SCEL: variants seen among roughly 807,000 people sequenced by gnomAD.
SCEL encodes the protein sciellin.
A neutral mutation model predicts 117.6 loss-of-function variants in SCEL; 113 were observed. The ratio of observed to expected loss-of-function variants is 0.96; its 90% CI spans 0.83 to 1.12. The LOEUF is 1.12. SCEL is among the 50% of genes most tolerant of loss of function. The pLI is 0.00. For missense variants in SCEL, 785 were observed against 810.8 expected, an observed-to-expected ratio of 0.97 and a Z score of 0.39; for synonymous variants, 270 against 256.2, an observed-to-expected ratio of 1.05 and a Z score of -0.51.
intron 23 of SCEL, 95 bp from the exon 24 acceptor site, chr13:77,613,798 T>C: frequency 1.1e-6 from 1 of 949,364 alleles, no homozygotes; most frequent in South Asian, 1.4e-5. Flanking sequence ...ACTTATGAGT[T>C]CTTACACTAG....
intron 3 of SCEL, among the ~76,000 whole-genome samples, chr13:77,559,370 G>T (rs1265784697): frequency 2.0e-5 from 3 of 152,230 alleles, no homozygotes; most frequent in African/African-American, 7.2e-5. Flanking sequence ...GAACTGTCAA[G>T]TCCACCAACA....
intron 1 of SCEL, among the ~76,000 whole-genome samples, chr13:77,554,551 A>G (rs1449722614): frequency 6.6e-6 from 1 of 152,238 alleles, no homozygotes; most frequent in Non-Finnish European, 1.5e-5. Flanking sequence ...ATTAGAGGAT[A>G]GGAGGTGGGG....
chr13:77,578,606 A>T (rs1003569671), intron 9 of SCEL, among the ~76,000 whole-genome samples: 1 of 152,208 alleles, frequency 6.6e-6, no homozygotes, highest in Non-Finnish European at 1.5e-5. Flanking sequence ...CTCAGAGATC[A>T]GGTCCCCAAA....
At chr13:77,591,500 T>C (rs2086867309) in intron 11 of SCEL, 40 bp downstream of exon 11, 3 of 1,125,388 alleles carry the variant, frequency 2.7e-6, no homozygotes, top group South Asian at 1.3e-5. Flanking sequence ...ACTGTAGTAA[T>C]GATAAAGTAT....
At chr13:77,621,081 T>C (rs577138471) in intron 27 of SCEL, among the ~76,000 whole-genome samples, 1 of 152,316 alleles carries the variant, frequency 6.6e-6, no homozygotes, top group South Asian at 2.1e-4. Flanking sequence ...CCACTGGTAC[T>C]GTAGTCCAGA....
intron 12 of SCEL, 33 bp downstream of exon 12, chr13:77,593,606 A>G (rs879047875): frequency 6.4e-7 from 1 of 1,563,718 alleles, no homozygotes; most frequent in South Asian, 1.1e-5. Flanking sequence ...CTTGGGTTTT[A>G]TCTTCCCTGG....
At chr13:77,543,468 T>C (rs1303898967) in intron 1 of SCEL, among the ~76,000 whole-genome samples, 5 of 152,324 alleles carry the variant, frequency 3.3e-5, no homozygotes, top group Non-Finnish European at 7.3e-5. Context: ...AGATAGTAAT[T>C]TATAAAAATA....
In SCEL at chr13:77,581,773, A is replaced by G. The variant is rs577562158; in HGVS notation, c.546-7371A>G. 1.9e-4 allele frequency among the ~76,000 whole-genome samples: 29 copies of G among 152,306 alleles called. No homozygotes were observed. In the East Asian group the frequency reaches 4.6e-3, roughly 24 times the overall value. ...ACTAGAGATTGTAAATTTCACCTCA[A>G]TTAGAAGCATGGCAGGTTAAAGGGA... On this transcript the variant is annotated intron_variant, in intron 9 of 32. Transcript: ENST00000349847.
chr13:77,569,341 G>A lies in SCEL; in HGVS notation c.399-30G>A, dbSNP rs752813600. ...GCTGAAATGAAAAAGTTTGAGAGTG[G>A]GATTAATTGTTGTTCTTGTCATTAA... On this transcript the variant is annotated intron_variant, in intron 7 of 32. Transcript: ENST00000349847. The A allele has an allele frequency of 2.6e-6, 4 of 1,567,148 alleles. No homozygotes were observed. In the South Asian group the frequency reaches 4.4e-5, roughly 17 times the overall value.
At chr13:77,580,308 G>GT (rs1251422236) in intron 9 of SCEL, among the ~76,000 whole-genome samples, 1 of 152,170 alleles carries the variant, frequency 6.6e-6, no homozygotes, top group African/African-American at 2.4e-5. Context: ...TGCAAAGCGT[G>GT]TCAGCAGTCA....
intron 28 of SCEL, among the ~76,000 whole-genome samples, chr13:77,630,062 G>A (rs897577463): frequency 3.3e-5 from 5 of 152,150 alleles, no homozygotes; most frequent in Admixed American, 3.3e-4. Context: ...GGGGAAAACA[G>A]GTTTTGGTTT....
intron 31 of SCEL, among the ~76,000 whole-genome samples, chr13:77,641,516 T>C (rs1210910874): frequency 6.6e-6 from 1 of 152,220 alleles, no homozygotes; most frequent in African/African-American, 2.4e-5. Flanking sequence ...AGGTGTTGAC[T>C]AGACCAGTGG....
At chr13:77,616,049 T>C (rs1413024882) in intron 24 of SCEL, among the ~76,000 whole-genome samples, 1 of 150,736 alleles carries the variant, frequency 6.6e-6, no homozygotes. Context: ...TGTGTGTGGC[T>C]GTCTGTAAAA....
At chr13:77,608,262 T>C in intron 20 of SCEL, 147 bp downstream of exon 20, 1 of 592,500 alleles carries the variant, frequency 1.7e-6, no homozygotes, top group Non-Finnish European at 3.0e-6. Context: ...AACAAGTCCC[T>C]TGAATGCTGA....
intron 9 of SCEL, among the ~76,000 whole-genome samples, chr13:77,582,419 G>A (rs2086313956): frequency 6.6e-6 from 1 of 152,018 alleles, no homozygotes; most frequent in African/African-American, 2.4e-5. Context: ...GTAGAGACGG[G>A]GTTTCACCAT....
intron 27 of SCEL, among the ~76,000 whole-genome samples, chr13:77,619,725 A>G (rs1283092028): frequency 2.0e-5 from 3 of 152,174 alleles, no homozygotes; most frequent in African/African-American, 4.8e-5. Context: ...TTATAGTGGC[A>G]TTTGTTGGGT....
chr13:77,567,032 T>A (rs755012413), intron 5 of SCEL, among the ~76,000 whole-genome samples: 12 of 152,200 alleles, frequency 7.9e-5, no homozygotes, highest in Non-Finnish European at 1.8e-4. Flanking sequence ...GCCAAGTAGT[T>A]CATTGATGCC....
chr13:77,619,005 A>G (rs993777294), intron 27 of SCEL, among the ~76,000 whole-genome samples: 6 of 152,200 alleles, frequency 3.9e-5, no homozygotes, highest in East Asian at 3.8e-4. Context: ...TTATTAATGG[A>G]TAATAAGTAA....
chr13:77,638,050 G>GT (rs1567450535), intron 30 of SCEL, among the ~76,000 whole-genome samples: 2 of 152,148 alleles, frequency 1.3e-5, no homozygotes, highest in African/African-American at 4.8e-5. Flanking sequence ...CACTGATGTT[G>GT]TTTCTTTATA....
Sources: allele counts gnomAD v4.1 joint callset (sites outside exome capture counted in the v4.1 genomes callset), GRCh38; gene constraint gnomAD v4.1.1; transcripts MANE v1.5; gene names NCBI Gene and HGNC (gene_info 2026-07-23, HGNC 2026-07-21).